Variants in MDGA2 observed in about 807,000 individuals in gnomAD.
MDGA2 encodes the protein MAM domain containing glycosylphosphatidylinositol anchor 2, also known as MAM domain-containing glycosylphosphatidylinositol anchor protein 2.
A neutral mutation model predicts 117.8 loss-of-function variants in MDGA2; 40 were observed. The observed-to-expected ratio is 0.34, with a 90% CI of 0.26 to 0.44. The LOEUF (loss-of-function observed/expected upper bound fraction) is 0.44, where lower values mean the gene tolerates loss of function less well. MDGA2 is among the 20% of genes least tolerant of loss of function. MDGA2 has a pLI of 1.00. For synonymous variants in MDGA2, 452 were observed against 439.0 expected, an observed-to-expected ratio of 1.03 and a Z score of -0.37; for missense variants, 1,123 against 1,250.6, an observed-to-expected ratio of 0.90 and a Z score of 1.54.
At chr14:46,918,416 A>T (rs2138505603) in intron 10 of MDGA2, among the ~76,000 whole-genome samples, 1 of 152,342 alleles carries the variant, frequency 6.6e-6, no homozygotes, top group African/African-American at 2.4e-5. Flanking sequence ...TAAGGAAAAA[A>T]GAAATAAGCC....
At chr14:47,510,311 A>G (rs1381471876) in intron 1 of MDGA2, among the ~76,000 whole-genome samples, 2 of 152,206 alleles carry the variant, frequency 1.3e-5, no homozygotes, top group African/African-American at 2.4e-5. Flanking sequence ...TGAGAAATAA[A>G]TTCCTGTTGT....
intron 5 of MDGA2, among the ~76,000 whole-genome samples, chr14:47,125,816 T>C (rs1217977806): frequency 6.6e-6 from 1 of 152,052 alleles, no homozygotes; most frequent in Non-Finnish European, 1.5e-5. Context: ...ATCCCTTTTT[T>C]ATACACTTCA....
At chr14:47,256,896 G>C (rs1157900512) in intron 2 of MDGA2, among the ~76,000 whole-genome samples, 1 of 146,498 alleles carries the variant, frequency 6.8e-6, no homozygotes, top group Non-Finnish European at 1.5e-5. Context: ...AAAGAAAAAA[G>C]AAGGAAAGAA....
intron 1 of MDGA2, among the ~76,000 whole-genome samples, chr14:47,548,875 TTGGCCCAAA>T (rs1895518190): frequency 6.6e-6 from 1 of 152,128 alleles, no homozygotes; most frequent in African/African-American, 2.4e-5. Context: ...AGTCTATTGT[TTGGCCCAAA>T]TGGTATCACT....
intron 8 of MDGA2, among the ~76,000 whole-genome samples, chr14:46,989,036 T>A (rs1886976377): frequency 6.6e-6 from 1 of 152,122 alleles, no homozygotes; most frequent in Non-Finnish European, 1.5e-5. Flanking sequence ...TATATCTACA[T>A]AAACAAACCA....
intron 1 of MDGA2, among the ~76,000 whole-genome samples, chr14:47,655,754 T>C (rs1280888504): frequency 1.3e-5 from 2 of 152,166 alleles, no homozygotes; most frequent in African/African-American, 2.4e-5. Flanking sequence ...ACACAGTCCA[T>C]GCTGGGAATA....
chr14:47,301,742 G>A (rs1003621783), intron 1 of MDGA2, among the ~76,000 whole-genome samples, 192 bp from the exon 2 acceptor site: 16 of 152,134 alleles, frequency 1.1e-4, no homozygotes, highest in Non-Finnish European at 1.9e-4. Context: ...TTATCTAACA[G>A]TGACCAACAC....
At chr14:47,312,508 C>A (rs1373273899) in intron 1 of MDGA2, among the ~76,000 whole-genome samples, 1 of 151,916 alleles carries the variant, frequency 6.6e-6, no homozygotes, top group Non-Finnish European at 1.5e-5. Flanking sequence ...ATAAAATAAA[C>A]AATATAGGAA....
chr14:47,214,935 G>C (rs534143903), intron 3 of MDGA2, among the ~76,000 whole-genome samples: 13 of 152,042 alleles, frequency 8.6e-5, no homozygotes, highest in Non-Finnish European at 1.9e-4. Flanking sequence ...TTTTACAAGG[G>C]ATTCAAGAAT....
At chr14:47,623,243 G>A (rs756478725) in intron 1 of MDGA2, among the ~76,000 whole-genome samples, 3 of 152,082 alleles carry the variant, frequency 2.0e-5, no homozygotes, top group Non-Finnish European at 2.9e-5. Context: ...GCCCTCACTA[G>A]ATGCCAGCAC....
intron 6 of MDGA2, among the ~76,000 whole-genome samples, chr14:47,085,933 T>C (rs752095980): frequency 5.3e-5 from 8 of 152,092 alleles, no homozygotes; most frequent in Non-Finnish European, 7.4e-5. Context: ...TGATTTTACA[T>C]AAACTTTAAG....
chr14:47,397,970 T>A (rs1783605144), intron 1 of MDGA2, among the ~76,000 whole-genome samples: 1 of 152,172 alleles, frequency 6.6e-6, no homozygotes, highest in Non-Finnish European at 1.5e-5. Context: ...CCAGGCACTG[T>A]CTTAAGAACT....
chr14:47,474,312 C>T (rs1291828891), intron 1 of MDGA2, among the ~76,000 whole-genome samples: 3 of 152,140 alleles, frequency 2.0e-5, no homozygotes, highest in African/African-American at 7.2e-5. Flanking sequence ...ACTCAAACCA[C>T]TTCTCAAGGA....
chr14:47,534,562 C>T (rs1485458532), intron 1 of MDGA2, among the ~76,000 whole-genome samples: 2 of 152,118 alleles, frequency 1.3e-5, no homozygotes, highest in African/African-American at 4.8e-5. Flanking sequence ...ACCATCAGAT[C>T]TCGTGAGAAC....
intron 1 of MDGA2, among the ~76,000 whole-genome samples, chr14:47,398,028 C>G (rs992083509): frequency 2.6e-5 from 4 of 152,090 alleles, no homozygotes; most frequent in African/African-American, 9.7e-5. Context: ...GAGAATGGAA[C>G]CATTATTAAC....
intron 1 of MDGA2, among the ~76,000 whole-genome samples, chr14:47,502,509 C>G (rs1894419355): frequency 1.3e-5 from 2 of 152,110 alleles, no homozygotes; most frequent in African/African-American, 4.8e-5. Flanking sequence ...AGATTTGTAT[C>G]TCAAGCCATA....
At chr14:47,157,595 ATGTGTGTGTGTG>A (rs55697311) in intron 3 of MDGA2, among the ~76,000 whole-genome samples, 10,299 of 144,464 alleles carry the variant, frequency 0.071, 463 homozygotes, top group East Asian at 0.18. Flanking sequence ...ATGTACATAT[ATGTGTGTGTGTG>A]TGTGTGTGTG....
At chr14:47,434,200 T>A (rs1319209127) in intron 1 of MDGA2, among the ~76,000 whole-genome samples, 1 of 152,038 alleles carries the variant, frequency 6.6e-6, no homozygotes, top group African/African-American at 2.4e-5. Flanking sequence ...GCCATATGAG[T>A]GTTTTTCTGT....
intron 6 of MDGA2, among the ~76,000 whole-genome samples, chr14:47,064,687 G>T (rs1456964928): frequency 6.6e-6 from 1 of 152,042 alleles, no homozygotes; most frequent in Non-Finnish European, 1.5e-5. Flanking sequence ...CTCCCTTAGA[G>T]ACACATTGTG....
Sources: allele counts gnomAD v4.1 joint callset (sites outside exome capture counted in the v4.1 genomes callset), GRCh38; gene constraint gnomAD v4.1.1; transcripts MANE v1.5; gene names NCBI Gene and HGNC (gene_info 2026-07-23, HGNC 2026-07-21).